PPHLN1: variants seen among roughly 807,000 people sequenced by gnomAD.
The protein encoded by PPHLN1 is periphilin 1, also known as periphilin-1.
Under a neutral mutation model 51.3 loss-of-function variants are expected in PPHLN1, and 29 were observed. The observed-to-expected ratio is 0.57, with a 90% CI of 0.42 to 0.77. The LOEUF (loss-of-function observed/expected upper bound fraction) is 0.77, where lower values mean the gene tolerates loss of function less well. Ranked by LOEUF, PPHLN1 falls within the 30% of genes least tolerant of loss-of-function variation. PPHLN1 has a pLI of 0.00. For missense variants in PPHLN1, 436 were observed against 438.4 expected, an observed-to-expected ratio of 0.99 and a Z score of 0.05; for synonymous variants, 147 against 147.8, an observed-to-expected ratio of 0.99 and a Z score of 0.04.
At chr12:42,401,252 C>G (rs1402866577) in intron 9 of PPHLN1, among the ~76,000 whole-genome samples, 1 of 152,120 alleles carries the variant, frequency 6.6e-6, no homozygotes, top group Non-Finnish European at 1.5e-5. Flanking sequence ...ATTACAAAAA[C>G]TTGCCATCTG....
rs1269142172 is a variant in PPHLN1 at position 42,441,829 on chromosome 12, T to C, written c.*320T>C. On this transcript the variant is annotated 3_prime_UTR_variant, in exon 10 of 10. Transcript: ENST00000358314. ...GCCACCGCTCCCTGCCCAACACATATACCATCTGAAAATGTTAGAATTCTG... is the reference window on the plus strand; with the variant it reads ...GCCACCGCTCCCTGCCCAACACATACACCATCTGAAAATGTTAGAATTCTG... The C allele has an allele frequency of 3.6e-5, 38 of 1,046,382 alleles. No homozygotes were observed. Among genetic ancestry groups the C allele is most frequent in the Non-Finnish European group, 4.1e-5 (36 of 870,832 alleles). The allele number at this position is 1,046,382 out of a possible 1,614,324, so 64.8% of individuals were successfully genotyped here.
At chr12:42,423,509 C>T (rs980563312) in intron 9 of PPHLN1, among the ~76,000 whole-genome samples, 4 of 151,972 alleles carry the variant, frequency 2.6e-5, no homozygotes, top group South Asian at 2.1e-4. Flanking sequence ...TTGAAAAGTC[C>T]GTCTCTGGGA....
At chr12:42,426,209 CACACACACACACACACACA>C (rs1566010170) in intron 9 of PPHLN1, among the ~76,000 whole-genome samples, 3,010 of 150,504 alleles carry the variant, frequency 0.02, 118 homozygotes, top group African/African-American at 0.07. Flanking sequence ...CACACACACA[CACACACACACACACACACA>C]CCCTCATGCA....
At chr12:42,442,548 T>C, downstream of PPHLN1, 1 of 1,548,784 alleles carries the variant, frequency 6.5e-7, no homozygotes, top group South Asian at 1.2e-5. Context: ...GACTGCACTC[T>C]CTTTTGGGCT....
chr12:42,421,808 T>TG, intron 9 of PPHLN1, among the ~76,000 whole-genome samples: 1 of 152,078 alleles, frequency 6.6e-6, no homozygotes, highest in African/African-American at 2.4e-5. Context: ...TGAATTTAAG[T>TG]GGATCAGATC....
Position 42,374,812 on chromosome 12 carries a change from A to G in PPHLN1, c.300-51A>G, listed in dbSNP as rs768460139. 5.7e-6 allele frequency: 8 copies of G among 1,414,234 alleles called. No individual in the cohort carries two copies. The East Asian group carries it at 1.2e-4, about 21-fold the overall frequency. 87.6% of individuals were successfully genotyped at this position (1,414,234 alleles called of 1,614,324 possible). A position where few individuals can be genotyped will look rare whatever the true frequency, so the allele number is the denominator to read the frequency against. On this transcript the variant is annotated intron_variant, in intron 4 of 9. Coordinates refer to ENST00000358314, the MANE Select transcript of PPHLN1 (RefSeq NM_201439.2). ...AGAGCTTTTGCCATTGTGCTTGTAT[A>G]TAGAGGATAGAGTATAATTAACTTA...
At chr12:42,335,636 T>C (rs567143312) in intron 1 of PPHLN1, among the ~76,000 whole-genome samples, 1 of 151,876 alleles carries the variant, frequency 6.6e-6, no homozygotes, top group African/African-American at 2.4e-5. Flanking sequence ...GGCAACAATC[T>C]CTTTGAAGCT....
chr12:42,436,580 T>C (rs1377664675), intron 9 of PPHLN1, among the ~76,000 whole-genome samples: 1 of 152,204 alleles, frequency 6.6e-6, no homozygotes, highest in Non-Finnish European at 1.5e-5. Context: ...CACATTATCA[T>C]ACATCTACTG....
intron 9 of PPHLN1, among the ~76,000 whole-genome samples, chr12:42,430,076 AT>A (rs1329071812): frequency 2.0e-5 from 3 of 152,144 alleles, no homozygotes; most frequent in African/African-American, 7.2e-5. Context: ...TTAGGGGCTG[AT>A]TGCCCAGGGA....
chr12:42,404,032 C>G (rs1592761656), intron 9 of PPHLN1, among the ~76,000 whole-genome samples: 1 of 143,870 alleles, frequency 7.0e-6, no homozygotes, highest in African/African-American at 2.5e-5. Flanking sequence ...ACCTTTTCCT[C>G]TTTTTTTTTT....
intron 6 of PPHLN1, among the ~76,000 whole-genome samples, chr12:42,385,251 C>A (rs2077100022): frequency 6.6e-6 from 1 of 152,130 alleles, no homozygotes; most frequent in African/African-American, 2.4e-5. Context: ...GAAGATAGGA[C>A]CTGACAACAG....
At chr12:42,433,687 A>G (rs187502031) in intron 9 of PPHLN1, among the ~76,000 whole-genome samples, 1 of 152,334 alleles carries the variant, frequency 6.6e-6, no homozygotes, top group East Asian at 1.9e-4. Flanking sequence ...AAGACAGCAT[A>G]TATTTACTAT....
intron 4 of PPHLN1, among the ~76,000 whole-genome samples, chr12:42,358,969 T>A (rs987829365): frequency 1.1e-4 from 16 of 152,240 alleles, no homozygotes; most frequent in African/African-American, 2.4e-4. Flanking sequence ...TAATTTTTTT[T>A]AATAAAAATC....
chr12:42,349,690 C>T (rs993461058), intron 2 of PPHLN1, among the ~76,000 whole-genome samples: 1 of 152,070 alleles, frequency 6.6e-6, no homozygotes, highest in African/African-American at 2.4e-5. Context: ...CCTGAGTTGA[C>T]ACAGCACATG....
chr12:42,362,929 A>G (rs987967512), intron 4 of PPHLN1, among the ~76,000 whole-genome samples: 32 of 152,214 alleles, frequency 2.1e-4, no homozygotes, highest in Admixed American at 6.5e-5. Context: ...CTGTTTGTCA[A>G]ACAGCAGGCT....
intron 9 of PPHLN1, among the ~76,000 whole-genome samples, chr12:42,412,286 A>T (rs2139538061): frequency 7.0e-6 from 1 of 143,504 alleles, no homozygotes; most frequent in South Asian, 2.2e-4. Context: ...CCATTATACC[A>T]CTCTGTCTGC....
intron 6 of PPHLN1, among the ~76,000 whole-genome samples, chr12:42,385,746 G>A (rs1049973773): frequency 6.6e-6 from 1 of 152,174 alleles, no homozygotes; most frequent in African/African-American, 2.4e-5. Flanking sequence ...GAAAAGTGAG[G>A]TTCATCTTTT....
intron 4 of PPHLN1, among the ~76,000 whole-genome samples, chr12:42,358,603 A>T (rs2074297761): frequency 6.6e-6 from 1 of 152,148 alleles, no homozygotes. Context: ...ATGAGGTCTC[A>T]CTTTATTGCC....
intron 9 of PPHLN1, among the ~76,000 whole-genome samples, chr12:42,412,132 G>A (rs1026725507): frequency 2.0e-5 from 3 of 152,058 alleles, no homozygotes; most frequent in African/African-American, 7.3e-5. Flanking sequence ...TTGAACCCAG[G>A]AGGCGGAGGT....
Sources: allele counts gnomAD v4.1 joint callset (sites outside exome capture counted in the v4.1 genomes callset), GRCh38; gene constraint gnomAD v4.1.1; transcripts MANE v1.5; gene names NCBI Gene and HGNC (gene_info 2026-07-23, HGNC 2026-07-21).